Variants in CFAP57 observed in about 807,000 individuals in gnomAD.
CFAP57 encodes the protein cilia and flagella associated protein 57.
In CFAP57, 116 loss-of-function variants were observed where a neutral mutation model predicts 146.8. The observed-to-expected ratio is 0.79, with a 90% CI of 0.68 to 0.92. The LOEUF (loss-of-function observed/expected upper bound fraction) is 0.92. Ranked by LOEUF, CFAP57 falls within the 40% of genes least tolerant of loss-of-function variation. The pLI is 0.00. For missense variants in CFAP57, 1,377 were observed against 1,527.2 expected (o/e 0.90, Z 1.64); for synonymous variants, 518 against 552.8 (o/e 0.94, Z 0.88).
At chr1:43,247,450 C>T (rs2124680547) in intron 22 of CFAP57, among the ~76,000 whole-genome samples, 1 of 152,260 alleles carries the variant, frequency 6.6e-6, no homozygotes, top group Non-Finnish European at 1.5e-5. Context: ...TACTCCAGTG[C>T]CAGCACTATT....
intron 21 of CFAP57, among the ~76,000 whole-genome samples, chr1:43,237,180 T>G (rs1645738624): frequency 6.6e-6 from 1 of 152,096 alleles, no homozygotes; most frequent in Non-Finnish European, 1.5e-5. Flanking sequence ...CCAAAAAGGC[T>G]GAGGAAGGCC....
intron 18 of CFAP57, among the ~76,000 whole-genome samples, chr1:43,231,608 C>T (rs1355155274): frequency 6.6e-6 from 1 of 151,052 alleles, no homozygotes; most frequent in Non-Finnish European, 1.5e-5. Flanking sequence ...AATCCCAGCA[C>T]TTTGGGAAGG....
intron 9 of CFAP57, among the ~76,000 whole-genome samples, chr1:43,204,516 C>T (rs890099526): frequency 6.6e-6 from 1 of 152,144 alleles, no homozygotes; most frequent in African/African-American, 2.4e-5. Context: ...GGTTGGTTGG[C>T]TGATTATCTG....
chr1:43,222,433 T>TA, intron 15 of CFAP57, 138 bp downstream of exon 15: 2 of 725,612 alleles, frequency 2.8e-6, no homozygotes, highest in Non-Finnish European at 4.0e-6. Context: ...CCAAGGAACT[T>TA]ATATCAAATG....
chr1:43,192,450 C>T (rs7555300), intron 6 of CFAP57, among the ~76,000 whole-genome samples: 27,408 of 151,614 alleles, frequency 0.18, 3,581 homozygotes, highest in African/African-American at 0.35. Context: ...GGAGAAACCC[C>T]GTGTCTACTA....
At chr1:43,181,478 G>A (rs1264269870) in intron 2 of CFAP57, 56 bp from the exon 3 acceptor site, 3 of 1,603,064 alleles carry the variant, frequency 1.9e-6, no homozygotes, top group African/African-American at 1.3e-5. Context: ...GGTTCCTGTT[G>A]AACCCTGGTG....
At chr1:43,221,288 AGGGTGTTAC>A in intron 13 of CFAP57, 75 bp from the exon 14 acceptor site, 2 of 922,730 alleles carry the variant, frequency 2.2e-6, no homozygotes, top group Non-Finnish European at 3.2e-6. Context: ...TGAGTGAAGG[AGGGTGTTAC>A]TTGTAAAATC....
At chr1:43,197,726 CA>C in intron 7 of CFAP57, 34 bp downstream of exon 7, 1 of 1,612,206 alleles carries the variant, frequency 6.2e-7, no homozygotes, top group Non-Finnish European at 8.5e-7. Context: ...CTTTATTATG[CA>C]AGACCCCAGT....
At chr1:43,232,881 GT>G (rs1247705346) in intron 19 of CFAP57, among the ~76,000 whole-genome samples, 1 of 152,224 alleles carries the variant, frequency 6.6e-6, no homozygotes, top group Non-Finnish European at 1.5e-5. Context: ...AGGAATATTT[GT>G]AGCATTTGGC....
At position 43,172,724 on chromosome 1, in the gene CFAP57, G is replaced by A. The variant is rs1243638510; in HGVS notation, c.-19-11G>A. The stretch of plus-strand genomic sequence containing the variant: ...CTCTCCACTCTGAAGCGCTGCCTTG[G>A]TCTTCAGCAGAACTGTTTGGCGGGA... On this transcript the variant is annotated splice_polypyrimidine_tract_variant and intron_variant, in intron 1 of 22. Transcript: ENST00000372492. 1 of 1,613,328 alleles carries A rather than the reference G, an allele frequency of 6.2e-7. No homozygotes were observed. Among genetic ancestry groups the A allele is most frequent in the South Asian group, 1.1e-5 (1 of 91,042 alleles).
intron 9 of CFAP57, 130 bp downstream of exon 9, chr1:43,199,633 A>G: frequency 1.2e-6 from 1 of 812,426 alleles, no homozygotes. Context: ...TTGGGGAAAG[A>G]GACAATAAAA....
chr1:43,249,636 G>A (rs11809237), intron 22 of CFAP57, among the ~76,000 whole-genome samples: 139 of 129,350 alleles, frequency 1.1e-3, no homozygotes, highest in African/African-American at 3.9e-3. Flanking sequence ...TAGAAATGGG[G>A]TTTCACCGTG....
chr1:43,228,169 AGCCTCTCCCT>A (rs1290163643), intron 18 of CFAP57, among the ~76,000 whole-genome samples: 1 of 152,156 alleles, frequency 6.6e-6, no homozygotes, highest in Non-Finnish European at 1.5e-5. Context: ...TGCGTGATCC[AGCCTCTCCCT>A]GCCTCTCCAG....
chr1:43,200,617 C>T (rs1393721106), intron 9 of CFAP57, among the ~76,000 whole-genome samples: 2 of 152,076 alleles, frequency 1.3e-5, no homozygotes, highest in Non-Finnish European at 2.9e-5. Context: ...GGTAAGAAGT[C>T]AGCAGATGAA....
rs749935032 is a variant in CFAP57, at chr1:43,181,703, A to C, written c.327A>C (p.Lys109Asn). The change falls in exon 3 of 23, where the codon AAA (lysine) becomes AAC (asparagine). Residue 109 changes from lysine to asparagine, a missense_variant. Transcript: ENST00000372492. ...ATAATTTTGACTTCCAAGTTCAGAAATTTATTAGCATGGCTTTTTCTCCAG... is the reference window on the plus strand; with the variant it reads ...ATAATTTTGACTTCCAAGTTCAGAACTTTATTAGCATGGCTTTTTCTCCAG... Reference protein sequence around the residue: ...VLNNFDFQVQKFISMAFSPDS... With the variant: ...VLNNFDFQVQNFISMAFSPDS... 8 of 1,614,036 alleles carry C rather than the reference A, an allele frequency of 5.0e-6. No homozygotes were observed.
chr1:43,213,090 T>C (rs2124513920), intron 11 of CFAP57, among the ~76,000 whole-genome samples: 1 of 152,198 alleles, frequency 6.6e-6, no homozygotes, highest in East Asian at 1.9e-4. Flanking sequence ...GAGGTCAACT[T>C]TTTTTTCTTT....
Position 43,254,083 on chromosome 1 carries a change from A to C in CFAP57, c.3645A>C (p.Arg1215Ser). The C allele has an allele frequency of 6.4e-7, 1 of 1,550,664 alleles. No individual in the cohort carries two copies. Among genetic ancestry groups the C allele is most frequent in the Non-Finnish European group, 8.7e-7 (1 of 1,147,016 alleles). Residue 1215 changes from arginine to serine, a missense_variant, in exon 23 of 23, where the codon AGA becomes AGC. Arg to Ser is a moderately radical substitution (Grantham distance 110, BLOSUM62 -1). Transcript: ENST00000372492. ...AGCGCCTAGAAATCCAGCGCCTCAG[A>C]GACCAGATCCAAGAGCAAGAGCAGG... is the stretch of plus-strand genomic sequence containing the variant. ...EMQRLEIQRL[R>S]DQIQEQEQVT...
intron 9 of CFAP57, among the ~76,000 whole-genome samples, chr1:43,204,754 A>G (rs941627603): frequency 1.3e-5 from 2 of 152,174 alleles, no homozygotes; most frequent in East Asian, 1.9e-4. Context: ...GGAAAATGCT[A>G]TCACAGTTCA....
At chr1:43,208,920 T>C (rs150971972) in intron 10 of CFAP57, among the ~76,000 whole-genome samples, 10 of 152,182 alleles carry the variant, frequency 6.6e-5, no homozygotes, top group African/African-American at 2.2e-4. Context: ...CAGTTTCAGT[T>C]ACCTGTGGTC....
Sources: gnomAD v4.1 joint callset for allele counts (sites outside exome capture counted in the v4.1 genomes callset) on GRCh38, gnomAD v4.1.1 for gene constraint, MANE v1.5 for transcripts, NCBI Gene and HGNC (gene_info 2026-07-23, HGNC 2026-07-21) for gene names.